CSMD3: variants seen among roughly 807,000 people sequenced by gnomAD.
The protein encoded by CSMD3 is CUB and sushi domain-containing protein 3.
Under a neutral mutation model 435.2 loss-of-function variants are expected in CSMD3, and 177 were observed. The observed-to-expected ratio is 0.41, with a 90% CI of 0.36 to 0.46. The LOEUF (loss-of-function observed/expected upper bound fraction) is 0.46. CSMD3 is among the 20% of genes least tolerant of loss of function. The pLI is 0.34. For synonymous variants in CSMD3, 1,656 were observed against 1,520.5 expected (o/e 1.09, Z -2.07); for missense variants, 4,265 against 4,504.6 (o/e 0.95, Z 1.52).
At chr8:112,384,663 T>A (rs533088246) in intron 36 of CSMD3, among the ~76,000 whole-genome samples, 1 of 152,216 alleles carries the variant, frequency 6.6e-6, no homozygotes, top group Non-Finnish European at 1.5e-5. Flanking sequence ...AAATAGCCCA[T>A]CATTATTCTT....
chr8:113,252,228 G>A (rs2093340749), intron 3 of CSMD3, among the ~76,000 whole-genome samples: 1 of 151,818 alleles, frequency 6.6e-6, no homozygotes, highest in Non-Finnish European at 1.5e-5. Context: ...ATTTCTCCCT[G>A]ATGGAATAAA....
At chr8:112,335,232 C>G (rs1468534392) in intron 45 of CSMD3, 97 bp downstream of exon 45, 29 of 1,212,402 alleles carry the variant, frequency 2.4e-5, no homozygotes, top group Admixed American at 5.7e-5. Flanking sequence ...AATTTTAATA[C>G]CTTTTCAATC....
At chr8:113,108,334 A>C (rs1209240250) in intron 4 of CSMD3, among the ~76,000 whole-genome samples, 1 of 151,744 alleles carries the variant, frequency 6.6e-6, no homozygotes. Context: ...AGGCTGATGC[A>C]GGAGAATTGC....
chr8:112,410,344 C>T (rs1416596884), intron 32 of CSMD3, among the ~76,000 whole-genome samples: 1 of 151,026 alleles, frequency 6.6e-6, no homozygotes, highest in Non-Finnish European at 1.5e-5. Context: ...TCCTAGAAGT[C>T]ATGAATACAA....
At chr8:112,655,981 T>C (rs2075247648) in intron 18 of CSMD3, among the ~76,000 whole-genome samples, 173 bp downstream of exon 18, 1 of 152,078 alleles carries the variant, frequency 6.6e-6, no homozygotes, top group Non-Finnish European at 1.5e-5. Context: ...TGCTGGAAAA[T>C]CTATTGCAGA....
At chr8:112,922,475 C>A (rs2082774130) in intron 9 of CSMD3, among the ~76,000 whole-genome samples, 1 of 151,640 alleles carries the variant, frequency 6.6e-6, no homozygotes, top group Admixed American at 6.6e-5. Flanking sequence ...CTTTCTATTT[C>A]TTTTTTTACC....
intron 16 of CSMD3, among the ~76,000 whole-genome samples, chr8:112,672,545 G>C (rs2075682629): frequency 6.6e-6 from 1 of 151,982 alleles, no homozygotes; most frequent in Non-Finnish European, 1.5e-5. Context: ...TTAGGTATGT[G>C]GACCACACAG....
chr8:112,659,462 A>T (rs956267577), intron 17 of CSMD3, among the ~76,000 whole-genome samples: 4 of 152,174 alleles, frequency 2.6e-5, no homozygotes, highest in Non-Finnish European at 5.9e-5. Flanking sequence ...TTTAAAAAAC[A>T]TTCTTGATGT....
At chr8:112,901,662 G>C (rs572607026) in intron 10 of CSMD3, among the ~76,000 whole-genome samples, 12 of 151,210 alleles carry the variant, frequency 7.9e-5, no homozygotes, top group Non-Finnish European at 1.5e-4. Flanking sequence ...CTACTTTAAA[G>C]ACAAGGATGA....
intron 10 of CSMD3, among the ~76,000 whole-genome samples, chr8:112,890,805 T>G (rs2081763298): frequency 6.6e-6 from 1 of 151,668 alleles, no homozygotes; most frequent in African/African-American, 2.4e-5. Context: ...GCATGGCTTT[T>G]TTGTGGGAAA....
At chr8:113,398,609 A>G (rs1588661576) in intron 1 of CSMD3, among the ~76,000 whole-genome samples, 1 of 152,158 alleles carries the variant, frequency 6.6e-6, no homozygotes, top group African/African-American at 2.4e-5. Context: ...CACTAATGTT[A>G]TTTTCATCTA....
chr8:113,135,867 G>A (rs72685869), intron 4 of CSMD3, among the ~76,000 whole-genome samples: 15,410 of 151,330 alleles, frequency 0.1, 936 homozygotes, highest in Middle Eastern at 0.17. Context: ...TTAAAATACG[G>A]GTAACTTCAA....
intron 3 of CSMD3, among the ~76,000 whole-genome samples, chr8:113,277,091 T>C (rs1181066934): frequency 2.0e-5 from 3 of 152,058 alleles, no homozygotes; most frequent in Admixed American, 6.6e-5. Context: ...AAAATATCTT[T>C]ATATTTTGAT....
At chr8:112,636,786 T>C (rs2131580015) in intron 22 of CSMD3, 31 bp downstream of exon 22, 1 of 1,585,264 alleles carries the variant, frequency 6.3e-7, no homozygotes, top group African/African-American at 1.3e-5. Flanking sequence ...TGACTACACA[T>C]ACAAGCAAAT....
intron 38 of CSMD3, 122 bp from the exon 39 acceptor site, chr8:112,352,656 T>C (rs1826238379): frequency 1.2e-6 from 1 of 841,222 alleles, no homozygotes; most frequent in Middle Eastern, 3.4e-4. Context: ...TATTGAGACG[T>C]TGAGAACGTT....
intron 3 of CSMD3, 127 bp from the exon 4 acceptor site, chr8:113,174,043 A>G: frequency 1.4e-6 from 1 of 727,898 alleles, no homozygotes; most frequent in South Asian, 1.6e-5. Context: ...ACTGAAAGGA[A>G]CTGTCTTCTA....
chr8:112,881,396 A>T (rs2130203140), intron 10 of CSMD3, among the ~76,000 whole-genome samples: 1 of 152,188 alleles, frequency 6.6e-6, no homozygotes, highest in African/African-American at 2.4e-5. Flanking sequence ...ACTAAACAGC[A>T]TTTTTTAAAG....
chr8:112,722,743 A>G (rs1456127103), intron 13 of CSMD3, among the ~76,000 whole-genome samples: 11 of 152,184 alleles, frequency 7.2e-5, no homozygotes. Context: ...GACACAAGGA[A>G]TAAAAGACTC....
At chr8:112,756,958 G>A (rs1263384366) in intron 13 of CSMD3, among the ~76,000 whole-genome samples, 2 of 151,830 alleles carry the variant, frequency 1.3e-5, no homozygotes, top group East Asian at 1.9e-4. Context: ...TAGTAGAGAC[G>A]AGGTTTCACC....
Sources: gnomAD v4.1 joint callset for allele counts (sites outside exome capture counted in the v4.1 genomes callset) on GRCh38, gnomAD v4.1.1 for gene constraint, MANE v1.5 for transcripts, NCBI Gene and HGNC (gene_info 2026-07-23, HGNC 2026-07-21) for gene names.